The following PTPRQ variants were observed in gnomAD, a reference collection of about 807,000 sequenced individuals.
PTPRQ encodes the protein phosphatidylinositol phosphatase PTPRQ.
Under a neutral mutation model 246.0 loss-of-function variants are expected in PTPRQ, and 199 were observed. The ratio of observed to expected loss-of-function variants is 0.81; its 90% CI spans 0.72 to 0.91. PTPRQ has a LOEUF of 0.91. PTPRQ is among the 40% of genes least tolerant of loss of function. PTPRQ has a pLI of 0.00. For missense variants in PTPRQ, 2,624 were observed against 2,528.4 expected (o/e 1.04, Z -0.81); for synonymous variants, 869 against 853.2 (o/e 1.02, Z -0.32).
At chr12:80,501,816 AG>A (rs1379003086) in intron 14 of PTPRQ, among the ~76,000 whole-genome samples, 1 of 151,998 alleles carries the variant, frequency 6.6e-6, no homozygotes, top group Non-Finnish European at 1.5e-5. Flanking sequence ...TGACAAGTAA[AG>A]TAAGATGGGG....
chr12:80,617,829 G>T (rs1898820582), intron 30 of PTPRQ, among the ~76,000 whole-genome samples: 1 of 151,504 alleles, frequency 6.6e-6, no homozygotes, highest in Non-Finnish European at 1.5e-5. Context: ...ATATTATGAA[G>T]TTGGATAGTA....
At chr12:80,608,283 T>C (rs956753121) in intron 27 of PTPRQ, among the ~76,000 whole-genome samples, 25 of 150,500 alleles carry the variant, frequency 1.7e-4, no homozygotes, top group Non-Finnish European at 1.9e-4. Flanking sequence ...GCAAACAAAC[T>C]TGGAATTGAT....
At chr12:80,661,743 C>T (rs950006400) in intron 39 of PTPRQ, among the ~76,000 whole-genome samples, 2 of 151,510 alleles carry the variant, frequency 1.3e-5, no homozygotes, top group African/African-American at 4.8e-5. Flanking sequence ...ACTAAAATGT[C>T]ATTATTTCCT....
chr12:80,642,438 A>G (rs894068710), intron 35 of PTPRQ, among the ~76,000 whole-genome samples: 21 of 152,162 alleles, frequency 1.4e-4, no homozygotes, highest in African/African-American at 5.1e-4. Context: ...TTTAGAATAC[A>G]TGGTTGACAA....
intron 19 of PTPRQ, among the ~76,000 whole-genome samples, chr12:80,535,468 CT>C (rs1378459026): frequency 6.6e-6 from 1 of 151,476 alleles, no homozygotes; most frequent in Non-Finnish European, 1.5e-5. Flanking sequence ...GTTTGTTTTT[CT>C]TTAATTAAAA....
In PTPRQ at chr12:80,496,484, A is replaced by G. The variant is rs562332341; in HGVS notation, c.2225A>G (p.His742Arg). The G allele has an allele frequency of 2.1e-5, 33 of 1,550,388 alleles. No individual in the cohort carries two copies. In the African/African-American group the frequency reaches 4.0e-4, roughly 19 times the overall value. ...ISVRSYTRFG[H>R]GNQVSSLLSV... is the part of the protein sequence containing the mutation. The stretch of plus-strand genomic sequence containing the variant: ...GTAAGGTCTTACACCAGATTTGGTC[A>G]TGGCAATCAGGTATCTTCTTTACTC... The change falls in exon 14 of 45, where the codon CAT becomes CGT. Residue 742 changes from histidine (H) to arginine (R), a missense_variant. Coordinates refer to ENST00000644991, the MANE Select transcript of PTPRQ (RefSeq NM_001145026.2).
At chr12:80,545,550 A>G (rs1896277263) in intron 23 of PTPRQ, among the ~76,000 whole-genome samples, 1 of 151,850 alleles carries the variant, frequency 6.6e-6, no homozygotes, top group African/African-American at 2.4e-5. Context: ...GGTTAGGACA[A>G]TTATCTTTGA....
intron 25 of PTPRQ, among the ~76,000 whole-genome samples, chr12:80,555,545 A>G (rs1896620157): frequency 6.6e-6 from 1 of 152,136 alleles, no homozygotes; most frequent in Non-Finnish European, 1.5e-5. Flanking sequence ...CCATCTCCTG[A>G]ATTAAGATTT....
intron 6 of PTPRQ, among the ~76,000 whole-genome samples, chr12:80,467,914 G>A (rs1034173357): frequency 6.6e-6 from 1 of 152,124 alleles, no homozygotes. Flanking sequence ...GCTAAATGAC[G>A]AGTTAATGGG....
intron 24 of PTPRQ, 83 bp from the exon 25 acceptor site, chr12:80,549,382 G>T (rs1896400863): frequency 2.9e-6 from 4 of 1,400,080 alleles, no homozygotes. Flanking sequence ...AAACACAGAT[G>T]TATCTAGTGA....
intron 37 of PTPRQ, among the ~76,000 whole-genome samples, chr12:80,652,094 A>G (rs1427678947): frequency 1.3e-5 from 2 of 152,192 alleles, no homozygotes; most frequent in Non-Finnish European, 2.9e-5. Context: ...TCAACAAAAT[A>G]ATGAACATAT....
chr12:80,454,894 C>T (rs867181356), intron 3 of PTPRQ, among the ~76,000 whole-genome samples: 10 of 152,206 alleles, frequency 6.6e-5, no homozygotes, highest in African/African-American at 1.9e-4. Context: ...CAGATAGCTT[C>T]GGCTGGGTGC....
At chr12:80,551,572 T>C (rs1029272349) in intron 25 of PTPRQ, among the ~76,000 whole-genome samples, 1 of 152,178 alleles carries the variant, frequency 6.6e-6, no homozygotes, top group Non-Finnish European at 1.5e-5. Flanking sequence ...CAATAAAGTT[T>C]AGACGTGTCA....
chr12:80,668,027 T>C (rs1900841299), intron 39 of PTPRQ, among the ~76,000 whole-genome samples: 1 of 151,970 alleles, frequency 6.6e-6, no homozygotes, highest in Non-Finnish European at 1.5e-5. Flanking sequence ...TTAGAGTCCC[T>C]GGAAAATTTA....
At chr12:80,599,026 A>G (rs1291775720) in intron 26 of PTPRQ, among the ~76,000 whole-genome samples, 1 of 151,958 alleles carries the variant, frequency 6.6e-6, no homozygotes, top group Non-Finnish European at 1.5e-5. Context: ...ATTCTTAAAC[A>G]AAGTGGCATG....
chr12:80,483,579 T>C (rs193234649), intron 8 of PTPRQ, among the ~76,000 whole-genome samples: 22 of 152,196 alleles, frequency 1.4e-4, no homozygotes, highest in African/African-American at 4.8e-4. Context: ...TTTAAAGACA[T>C]TTAATTTAAC....
At chr12:80,541,456 T>C (rs1052829942) in intron 20 of PTPRQ, 99 bp from the exon 21 acceptor site, 52 of 906,438 alleles carry the variant, frequency 5.7e-5, no homozygotes, top group Non-Finnish European at 7.5e-5. Context: ...GAGCTGATGA[T>C]GTAATAGTTG....
At chr12:80,651,370 C>G (rs1209447000) in intron 37 of PTPRQ, among the ~76,000 whole-genome samples, 1 of 151,426 alleles carries the variant, frequency 6.6e-6, no homozygotes, top group East Asian at 1.9e-4. Context: ...GTATATCAAC[C>G]AGAAAAGAGT....
At chr12:80,550,956 A>G (rs1197277431) in intron 25 of PTPRQ, among the ~76,000 whole-genome samples, 1 of 151,920 alleles carries the variant, frequency 6.6e-6, no homozygotes, top group African/African-American at 2.4e-5. Context: ...AAATTTATCC[A>G]TGTCTTTATT....
Sources: gnomAD v4.1 joint callset for allele counts (sites outside exome capture counted in the v4.1 genomes callset) on GRCh38, gnomAD v4.1.1 for gene constraint, MANE v1.5 for transcripts, NCBI Gene and HGNC (gene_info 2026-07-23, HGNC 2026-07-21) for gene names.